The following FCHSD2 variants were observed in gnomAD, a reference collection of about 807,000 sequenced individuals.
FCHSD2 encodes the protein F-BAR and double SH3 domains protein 2.
FCHSD2 carries 38 observed loss-of-function variants against 108.1 expected under a neutral mutation model. That is an observed-to-expected ratio of 0.35 (90% CI 0.27 to 0.46). FCHSD2 has a LOEUF of 0.46. Among genes scored for constraint, FCHSD2 ranks in the 20% least tolerant of loss-of-function variants. FCHSD2 has a pLI of 1.00. For missense variants in FCHSD2, 751 were observed against 897.8 expected (o/e 0.84, Z 2.09); for synonymous variants, 279 against 314.7 (o/e 0.89, Z 1.20).
At chr11:72,841,316 C>A in intron 18 of FCHSD2, 138 bp downstream of exon 18, 1 of 909,954 alleles carries the variant, frequency 1.1e-6, no homozygotes, top group South Asian at 1.8e-5. Flanking sequence ...GGGTGTCCAG[C>A]CCAGGTGACA....
chr11:73,142,014 C>G lies in FCHSD2; in HGVS notation c.-137G>C, dbSNP rs1427205444. The G allele has an allele frequency of 6.1e-6, 5 of 826,144 alleles. No individual in the cohort carries two copies. Among genetic ancestry groups the G allele is most frequent in the Admixed American group, 5.3e-5 (2 of 37,758 alleles). 51.2% of individuals were successfully genotyped at this position (826,144 alleles called of 1,614,324 possible). ...AGCGCTTAAGAAGCAAGACTTGCCC[C>G]GGAGGGAGCAGGCCAGCGGGCGGCA... is the stretch of plus-strand genomic sequence containing the variant. On this transcript the variant is annotated 5_prime_UTR_variant, in exon 1 of 20. Coordinates refer to ENST00000409418, the MANE Select transcript of FCHSD2 (RefSeq NM_014824.3).
Position 73,091,471 on chromosome 11 carries a change from C to A in FCHSD2, c.120-7731G>T, listed in dbSNP as rs559879763. Among the ~76,000 whole-genome samples the A allele has an allele frequency of 8.6e-5, 13 of 151,962 alleles. No individual in the cohort carries two copies. In the South Asian group the frequency reaches 2.7e-3, roughly 32 times the overall value. On this transcript the variant is annotated intron_variant, in intron 2 of 19. Coordinates refer to ENST00000409418, the MANE Select transcript of FCHSD2 (RefSeq NM_014824.3). The stretch of plus-strand genomic sequence containing the variant: ...GGCTGAGGCAGGAGAATCACTTGAA[C>A]CCGGGAGGCAGAGGTTGCAGTGAGC...
At chr11:73,106,110 T>C (rs538219218) in intron 2 of FCHSD2, among the ~76,000 whole-genome samples, 1 of 152,174 alleles carries the variant, frequency 6.6e-6, no homozygotes, top group African/African-American at 2.4e-5. Flanking sequence ...CAAAAGTAAA[T>C]AATTAATTTT....
intron 3 of FCHSD2, among the ~76,000 whole-genome samples, chr11:73,041,319 T>G: frequency 6.6e-6 from 1 of 152,236 alleles, no homozygotes; most frequent in East Asian, 1.9e-4. Flanking sequence ...TTTTCCATAG[T>G]AGCTATACTA....
intron 3 of FCHSD2, among the ~76,000 whole-genome samples, chr11:73,045,583 C>T (rs1175082537): frequency 6.6e-6 from 1 of 150,752 alleles, no homozygotes; most frequent in African/African-American, 2.4e-5. Context: ...GAATACTATG[C>T]AGCCATAAAA....
At chr11:72,878,593 T>C (rs1855017926) in intron 12 of FCHSD2, among the ~76,000 whole-genome samples, 1 of 152,144 alleles carries the variant, frequency 6.6e-6, no homozygotes, top group Non-Finnish European at 1.5e-5. Context: ...GGGGGTAATG[T>C]CAAAAGTACA....
At position 72,844,216 on chromosome 11, in the gene FCHSD2, A is replaced by C. The variant is rs550214640; in HGVS notation, c.1444-684T>G. 2.0e-5 allele frequency among the ~76,000 whole-genome samples: 3 copies of C among 152,314 alleles called. No homozygotes were observed. The East Asian group carries it at 5.8e-4, about 29-fold the overall frequency. On this transcript the variant is annotated intron_variant, in intron 14 of 19. Coordinates refer to ENST00000409418, the MANE Select transcript of FCHSD2 (RefSeq NM_014824.3). ...GCAAAGGCAAACGAGAAGGCACTGA[A>C]TTGGAACTGCTACCAGAGGGCTCCC...
At chr11:72,984,983 T>C in intron 7 of FCHSD2, 79 bp downstream of exon 7, 1 of 662,896 alleles carries the variant, frequency 1.5e-6, no homozygotes, top group Non-Finnish European at 2.7e-6. Context: ...ATAATCCACC[T>C]CCACCCTCAA....
chr11:73,124,142 G>A (rs901180800), intron 2 of FCHSD2, among the ~76,000 whole-genome samples: 1 of 152,102 alleles, frequency 6.6e-6, no homozygotes, highest in African/African-American at 2.4e-5. Flanking sequence ...CCATCACTCT[G>A]AGCAAACTAT....
At chr11:72,999,179 A>G (rs964839557) in intron 5 of FCHSD2, among the ~76,000 whole-genome samples, 3 of 152,186 alleles carry the variant, frequency 2.0e-5, no homozygotes, top group African/African-American at 7.2e-5. Context: ...TTCATTTGCT[A>G]TCTCAGAGTC....
chr11:73,009,965 T>C (rs1232797309), intron 4 of FCHSD2, among the ~76,000 whole-genome samples: 1 of 152,232 alleles, frequency 6.6e-6, no homozygotes, highest in Non-Finnish European at 1.5e-5. Context: ...TGGGAAGTTT[T>C]TGTCTATTAT....
At chr11:73,011,106 G>A (rs1194694227) in intron 4 of FCHSD2, among the ~76,000 whole-genome samples, 1 of 152,156 alleles carries the variant, frequency 6.6e-6, no homozygotes, top group East Asian at 1.9e-4. Context: ...GGTGCCAATG[G>A]TGGTAGAATG....
At chr11:73,116,564 G>T (rs961534674) in intron 2 of FCHSD2, among the ~76,000 whole-genome samples, 2 of 151,946 alleles carry the variant, frequency 1.3e-5, no homozygotes, top group Admixed American at 6.6e-5. Flanking sequence ...TTGAGATGGG[G>T]TCCCACTACT....
At chr11:72,876,235 T>C (rs545634626) in intron 12 of FCHSD2, among the ~76,000 whole-genome samples, 123 of 151,874 alleles carry the variant, frequency 8.1e-4, no homozygotes, top group African/African-American at 2.8e-3. Context: ...GAGGCTGAGG[T>C]GGGAGGATTG....
intron 2 of FCHSD2, among the ~76,000 whole-genome samples, chr11:73,095,293 C>T (rs1860048718): frequency 6.6e-6 from 1 of 152,092 alleles, no homozygotes; most frequent in Non-Finnish European, 1.5e-5. Context: ...ATAAACTTGG[C>T]ACACAGCAAA....
chr11:73,082,745 C>T (rs1440232242), intron 3 of FCHSD2, among the ~76,000 whole-genome samples: 1 of 152,080 alleles, frequency 6.6e-6, no homozygotes, highest in East Asian at 1.9e-4. Context: ...ACAAAGACAA[C>T]TTTTACAATT....
At chr11:72,891,937 A>C (rs894820956) in intron 10 of FCHSD2, among the ~76,000 whole-genome samples, 3 of 152,218 alleles carry the variant, frequency 2.0e-5, no homozygotes, top group Non-Finnish European at 4.4e-5. Context: ...AATTACTTGA[A>C]ACAAAAATTT....
At chr11:73,074,310 T>C (rs1334638569) in intron 3 of FCHSD2, among the ~76,000 whole-genome samples, 3 of 152,178 alleles carry the variant, frequency 2.0e-5, no homozygotes, top group African/African-American at 4.8e-5. Context: ...CATAATATCA[T>C]AGAATAAAAC....
intron 2 of FCHSD2, among the ~76,000 whole-genome samples, chr11:73,109,333 T>C (rs1428905156): frequency 1.3e-5 from 2 of 152,250 alleles, no homozygotes; most frequent in Non-Finnish European, 2.9e-5. Context: ...ATTTTAACAA[T>C]ATTGATTCTC....
Sources: gnomAD v4.1 joint callset for allele counts (sites outside exome capture counted in the v4.1 genomes callset) on GRCh38, gnomAD v4.1.1 for gene constraint, MANE v1.5 for transcripts, NCBI Gene and HGNC (gene_info 2026-07-23, HGNC 2026-07-21) for gene names.